Variants in ZHX2 observed in about 807,000 individuals in gnomAD.
The protein encoded by ZHX2 is zinc fingers and homeoboxes protein 2.
ZHX2 carries 6 observed loss-of-function variants against 21.9 expected under a neutral mutation model. The ratio of observed to expected loss-of-function variants is 0.27; its 90% CI spans 0.15 to 0.54. The LOEUF is 0.54. Among genes scored for constraint, ZHX2 ranks in the 20% least tolerant of loss-of-function variants. The pLI is 0.95. For synonymous variants in ZHX2, 434 were observed against 437.1 expected (o/e 0.99, Z 0.09); for missense variants, 908 against 1,090.7 (o/e 0.83, Z 2.36).
chr8:122,941,010 A>T (rs1215904076), intron 2 of ZHX2, among the ~76,000 whole-genome samples: 3 of 151,640 alleles, frequency 2.0e-5, no homozygotes, highest in African/African-American at 7.3e-5. Flanking sequence ...CAGGGGGATC[A>T]CTTGAGCTCA....
chr8:122,912,906 A>T (rs1820516108), intron 2 of ZHX2, among the ~76,000 whole-genome samples: 1 of 152,230 alleles, frequency 6.6e-6, no homozygotes, highest in Non-Finnish European at 1.5e-5. Context: ...CATATAATTC[A>T]TCCATTGAAG....
At chr8:122,873,662 A>T (rs1819499312) in intron 2 of ZHX2, among the ~76,000 whole-genome samples, 1 of 152,196 alleles carries the variant, frequency 6.6e-6, no homozygotes, top group African/African-American at 2.4e-5. Context: ...ACATATTCCC[A>T]CAAACTTAGG....
intron 2 of ZHX2, among the ~76,000 whole-genome samples, chr8:122,875,140 T>C (rs1419050135): frequency 1.6e-3 from 4 of 2,446 alleles, no homozygotes; most frequent in African/African-American, 4.1e-3. Flanking sequence ...TATATATATA[T>C]ATATATATAT....
chr8:122,793,264 T>G (rs925812027), intron 1 of ZHX2, among the ~76,000 whole-genome samples: 1 of 152,120 alleles, frequency 6.6e-6, no homozygotes, highest in African/African-American at 2.4e-5. Flanking sequence ...GGGACAGCTA[T>G]GAAAGGAGAG....
chr8:122,862,892 T>C (rs1819201202), intron 1 of ZHX2, among the ~76,000 whole-genome samples: 1 of 152,194 alleles, frequency 6.6e-6, no homozygotes, highest in Non-Finnish European at 1.5e-5. Context: ...AGGCCCCAAC[T>C]TGCCGTGCTG....
chr8:122,972,907 T>G (rs1813761831), intron 3 of ZHX2, among the ~76,000 whole-genome samples: 1 of 152,198 alleles, frequency 6.6e-6, no homozygotes, highest in Non-Finnish European at 1.5e-5. Flanking sequence ...CCACTGGGAC[T>G]GGTTGACTTT....
chr8:122,904,549 A>G (rs1820303112), intron 2 of ZHX2, among the ~76,000 whole-genome samples: 1 of 152,226 alleles, frequency 6.6e-6, no homozygotes, highest in Admixed American at 6.5e-5. Flanking sequence ...AGAGGTATCA[A>G]TGGAGGCCTT....
intron 2 of ZHX2, among the ~76,000 whole-genome samples, chr8:122,919,093 C>T (rs897445143): frequency 1.3e-5 from 2 of 152,216 alleles, no homozygotes; most frequent in Non-Finnish European, 2.9e-5. Flanking sequence ...TGAGGCTCAG[C>T]GGTAGTCTCA....
At chr8:122,939,827 C>A (rs751756637) in intron 2 of ZHX2, among the ~76,000 whole-genome samples, 42 of 152,138 alleles carry the variant, frequency 2.8e-4, no homozygotes, top group Non-Finnish European at 5.4e-4. Context: ...TGATACAGTG[C>A]CTGGCCACTG....
At chr8:122,833,723 G>A (rs925087941) in intron 1 of ZHX2, among the ~76,000 whole-genome samples, 1 of 152,150 alleles carries the variant, frequency 6.6e-6, no homozygotes, top group Non-Finnish European at 1.5e-5. Flanking sequence ...CGGGCCGGGC[G>A]CGGTGGCTCA....
At chr8:122,790,845 C>T (rs369198951) in intron 1 of ZHX2, among the ~76,000 whole-genome samples, 5 of 152,096 alleles carry the variant, frequency 3.3e-5, no homozygotes, top group African/African-American at 7.2e-5. Context: ...TGACCTCAAG[C>T]GATCCTCCCA....
intron 2 of ZHX2, among the ~76,000 whole-genome samples, chr8:122,887,880 G>A (rs1035988188): frequency 2.7e-5 from 4 of 150,554 alleles, no homozygotes; most frequent in Admixed American, 6.6e-5. Context: ...ACCCTCTGCC[G>A]CGCTTGCCGG....
intron 2 of ZHX2, among the ~76,000 whole-genome samples, chr8:122,932,019 C>A (rs1586398902): frequency 6.6e-6 from 1 of 152,290 alleles, no homozygotes; most frequent in African/African-American, 2.4e-5. Context: ...AAATGTGGAG[C>A]AGAGGCAGTC....
intron 2 of ZHX2, among the ~76,000 whole-genome samples, chr8:122,931,036 G>C (rs1170162746): frequency 6.6e-6 from 1 of 152,142 alleles, no homozygotes; most frequent in Admixed American, 6.5e-5. Flanking sequence ...CCACTAGGCT[G>C]TCAAAGGTCA....
intron 1 of ZHX2, among the ~76,000 whole-genome samples, chr8:122,786,224 G>T (rs1817392939): frequency 6.6e-6 from 1 of 152,170 alleles, no homozygotes; most frequent in Non-Finnish European, 1.5e-5. Context: ...CACTACACTT[G>T]CCTTTTTCCT....
chr8:122,858,096 C>T (rs573159430), intron 1 of ZHX2, among the ~76,000 whole-genome samples: 4 of 152,316 alleles, frequency 2.6e-5, no homozygotes, highest in South Asian at 4.1e-4. Flanking sequence ...TCGGGCCCCA[C>T]GGAAGCCGCT....
intron 2 of ZHX2, among the ~76,000 whole-genome samples, chr8:122,908,210 T>C (rs186739204): frequency 1.3e-5 from 2 of 152,214 alleles, no homozygotes; most frequent in Admixed American, 1.3e-4. Context: ...TGTTTGTTTG[T>C]TTGTTTTGAA....
chr8:122,845,910 G>A (rs1818739778), intron 1 of ZHX2, among the ~76,000 whole-genome samples: 1 of 152,230 alleles, frequency 6.6e-6, no homozygotes, highest in African/African-American at 2.4e-5. Flanking sequence ...TTAGGGTTCA[G>A]TGGAAAGCCT....
At chr8:122,870,638 CAAAAAAAAA>C (rs59071295) in intron 2 of ZHX2, among the ~76,000 whole-genome samples, 24 of 63,908 alleles carry the variant, frequency 3.8e-4, no homozygotes, top group Admixed American at 1.7e-3. Context: ...GTCTCTGTCT[CAAAAAAAAA>C]AAAAAAAAAA....
Sources: allele counts gnomAD v4.1 joint callset (sites outside exome capture counted in the v4.1 genomes callset), GRCh38; gene constraint gnomAD v4.1.1; transcripts MANE v1.5; gene names NCBI Gene and HGNC (gene_info 2026-07-23, HGNC 2026-07-21).